The following USP33 variants were observed in gnomAD, a reference collection of about 807,000 sequenced individuals.
USP33 encodes the protein ubiquitin carboxyl-terminal hydrolase 33.
Under a neutral mutation model 124.2 loss-of-function variants are expected in USP33, and 46 were observed. That is an observed-to-expected ratio of 0.37 (90% CI 0.29 to 0.47). The LOEUF (loss-of-function observed/expected upper bound fraction) is 0.47. Ranked by LOEUF, USP33 falls within the 20% of genes least tolerant of loss-of-function variation. The probability of loss-of-function intolerance (pLI) is 0.99; values close to 1 mark genes in which losing one functional copy is unlikely to be tolerated. For missense variants in USP33, 851 were observed against 1,070.6 expected (o/e 0.79, Z 2.86); for synonymous variants, 350 against 352.3 (o/e 0.99, Z 0.07).
intron 7 of USP33, 43 bp downstream of exon 7, chr1:77,734,304 T>C (rs1557852793): frequency 6.9e-7 from 1 of 1,442,512 alleles, no homozygotes. Flanking sequence ...AAAAATAACT[T>C]AAAAAATTAT....
At chr1:77,735,122 C>CAA (rs11369231) in intron 6 of USP33, among the ~76,000 whole-genome samples, 43 of 144,718 alleles carry the variant, frequency 3.0e-4, no homozygotes, top group African/African-American at 6.8e-4. Flanking sequence ...GACTCCATCT[C>CAA]AAAAAAAAAA....
rs531931195 is a variant in USP33, at chr1:77,749,649, C to A, written c.-51-7901G>T. ...CACTCTCCTCAGCCTCCCAAAGTGC[C>A]GGAATTACAGGCATGAATCACTGCA... On this transcript the variant is annotated intron_variant, in intron 1 of 23. Coordinates refer to ENST00000370794, the MANE Select transcript of USP33 (RefSeq NM_201624.3). Among the ~76,000 whole-genome samples the A allele has an allele frequency of 7.9e-5, 12 of 152,170 alleles. No individual in the cohort carries two copies. In the East Asian group the frequency reaches 1.7e-3, roughly 22 times the overall value.
chr1:77,748,887 G>A (rs955612736), intron 1 of USP33, among the ~76,000 whole-genome samples: 1 of 146,264 alleles, frequency 6.8e-6, no homozygotes, highest in Admixed American at 7.4e-5. Context: ...TCATGGAAAA[G>A]AGAGTTCCTT....
intron 9 of USP33, 77 bp downstream of exon 9, chr1:77,729,780 TAAG>T (rs1677589829): frequency 7.3e-7 from 1 of 1,361,544 alleles, no homozygotes; most frequent in African/African-American, 1.4e-5. Flanking sequence ...CCCCAAAAGA[TAAG>T]TAGACCCAAA....
chr1:77,730,242 A>G (rs1182701682), intron 8 of USP33, among the ~76,000 whole-genome samples: 1 of 152,216 alleles, frequency 6.6e-6, no homozygotes, highest in African/African-American at 2.4e-5. Context: ...GCAAACTATG[A>G]TCCTAATGCT....
intron 21 of USP33, among the ~76,000 whole-genome samples, chr1:77,705,261 C>A (rs1271895004): frequency 6.6e-6 from 1 of 151,254 alleles, no homozygotes; most frequent in South Asian, 2.1e-4. Flanking sequence ...GTGGTGCGAT[C>A]TCGGCTCACT....
chr1:77,705,282 C>G (rs767257629), intron 21 of USP33, among the ~76,000 whole-genome samples: 4 of 151,458 alleles, frequency 2.6e-5, no homozygotes, highest in Non-Finnish European at 4.4e-5. Context: ...GCAATCTCCA[C>G]CTCCCCAATT....
intron 22 of USP33, among the ~76,000 whole-genome samples, chr1:77,698,733 C>A (rs1054883845): frequency 6.6e-6 from 1 of 151,904 alleles, no homozygotes; most frequent in Admixed American, 6.6e-5. Flanking sequence ...ATCTCCTGAC[C>A]TCGTGATCCA....
intron 16 of USP33, among the ~76,000 whole-genome samples, 157 bp downstream of exon 16, chr1:77,718,439 T>C (rs1459883982): frequency 1.5e-4 from 23 of 152,228 alleles, no homozygotes; most frequent in Non-Finnish European, 5.9e-5. Flanking sequence ...TTACGGTATT[T>C]AACTCAATAT....
intron 21 of USP33, among the ~76,000 whole-genome samples, chr1:77,710,724 T>G (rs1675152696): frequency 6.6e-6 from 1 of 152,178 alleles, no homozygotes; most frequent in Non-Finnish European, 1.5e-5. Context: ...CTGCTCAATA[T>G]CTTCTCCACT....
chr1:77,751,471 G>A (rs756667205), intron 1 of USP33, among the ~76,000 whole-genome samples: 5 of 151,972 alleles, frequency 3.3e-5, no homozygotes, highest in East Asian at 1.9e-4. Flanking sequence ...TGGGCAACAC[G>A]GCAATACCCT....
chr1:77,745,144 T>C lies in USP33; in HGVS notation c.-51-3396A>G, dbSNP rs530985008. ...CATATATATTTAGGATAGTTAGCTCTTCTTGTTGAATTGATCCCTTTACCA... is the reference window on the plus strand; with the variant it reads ...CATATATATTTAGGATAGTTAGCTCCTCTTGTTGAATTGATCCCTTTACCA... On this transcript the variant is annotated intron_variant, in intron 1 of 23. Coordinates refer to ENST00000370794, the MANE Select transcript of USP33 (RefSeq NM_201624.3). Among the ~76,000 whole-genome samples the C allele has an allele frequency of 2.6e-5, 4 of 152,376 alleles. No homozygotes were observed. In the South Asian group the frequency reaches 8.3e-4, roughly 32 times the overall value.
At position 77,717,856 on chromosome 1, in the gene USP33, T is replaced by C. The variant is rs764516876; in HGVS notation, c.1918+11A>G. The C allele has an allele frequency of 2.8e-5, 45 of 1,605,352 alleles. No homozygotes were observed. In the South Asian group the frequency reaches 4.7e-4, roughly 17 times the overall value. On this transcript the variant is annotated intron_variant, in intron 17 of 23. Coordinates refer to ENST00000370794, the MANE Select transcript of USP33 (RefSeq NM_201624.3). The stretch of plus-strand genomic sequence containing the variant: ...TAAATCTAGGAACAACTGTTAAACC[T>C]ATATACTTACTACTTGCAGTTCCAT...
In USP33 at chr1:77,728,978, T is replaced by C. The variant is rs148159078; in HGVS notation, c.718-266A>G. Among the ~76,000 whole-genome samples, 816 of 152,222 alleles carry C rather than the reference T, an allele frequency of 5.4e-3. 10 individuals carry two copies. The highest frequency in any genetic ancestry group is 0.018 in the African/African-American group (758 of 41,538). On this transcript the variant is annotated intron_variant, in intron 9 of 23. Transcript: ENST00000370794. ...GTTGTGGCATGACCACAGCTCACTG[T>C]AGCCTCGATCCCCCAGGCTCAAGCA... is the stretch of plus-strand genomic sequence containing the variant.
intron 1 of USP33, among the ~76,000 whole-genome samples, chr1:77,742,154 A>G (rs1314581485): frequency 1.4e-5 from 2 of 147,326 alleles, no homozygotes; most frequent in South Asian, 2.1e-4. Context: ...CTAGGAGTTG[A>G]AAAAAAAAAA....
chr1:77,741,760 G>A lies in USP33; in HGVS notation c.-51-12C>T. On this transcript the variant is annotated splice_polypyrimidine_tract_variant and intron_variant, in intron 1 of 23. Coordinates refer to ENST00000370794, the MANE Select transcript of USP33 (RefSeq NM_201624.3). ...AAATGAGGTAACACCTATAAGAAAA[G>A]TAACACACACAAAAAAATTAATAAA... 3 of 1,530,150 alleles carry A rather than the reference G, an allele frequency of 2.0e-6. No individual in the cohort carries two copies. The highest frequency in any genetic ancestry group is 1.4e-5 in the African/African-American group (1 of 71,296). 94.8% of individuals were successfully genotyped at this position (1,530,150 alleles called of 1,614,324 possible). A position where few individuals can be genotyped will look rare whatever the true frequency, so the allele number is the denominator to read the frequency against.
Position 77,707,922 on chromosome 1 carries a change from C to G in USP33, c.2406+3825G>C, listed in dbSNP as rs150204102. Reference sequence around the variant, plus strand: ...TCATTCTTTAGATTACAGACCATAACAGGGAAAAGTGTGACTATACTCTCT... The same window carrying G: ...TCATTCTTTAGATTACAGACCATAAGAGGGAAAAGTGTGACTATACTCTCT... On this transcript the variant is annotated intron_variant, in intron 21 of 23. Coordinates refer to ENST00000370794, the MANE Select transcript of USP33 (RefSeq NM_201624.3). Among the ~76,000 whole-genome samples the G allele has an allele frequency of 7.2e-5, 11 of 152,140 alleles. No homozygotes were observed. In the East Asian group the frequency reaches 1.3e-3, roughly 19 times the overall value.
intron 19 of USP33, chr1:77,713,555 TTC>T (rs1675517295): frequency 2.6e-5 from 6 of 231,462 alleles, no homozygotes; most frequent in Non-Finnish European, 3.1e-5. Context: ...CAGCTAACTT[TTC>T]TTTTTTTTTT....
rs1676794841 is a variant in USP33 at position 77,723,372 on chromosome 1, C to T, written c.1348G>A (p.Gly450Arg). ...CACTGCACTGAACTAATGATTGTTC[C>T]ATCAAATATGTCTGAAATAACACTT... ...YRSVISDIFD[G>R]TIISSVQCLT... is the part of the protein sequence containing the mutation. Residue 450 changes from glycine (G) to arginine (R), a missense_variant, in exon 12 of 24, where the codon GGA becomes AGA. Gly to Arg is a moderately radical substitution (Grantham distance 125). This residue lies in a region of USP33 where 281 missense variants were observed against 425.0 expected (regional missense o/e 0.66). Coordinates refer to ENST00000370794, the MANE Select transcript of USP33 (RefSeq NM_201624.3). The T allele has an allele frequency of 6.2e-7, 1 of 1,612,952 alleles. No individual in the cohort carries two copies. Among genetic ancestry groups the T allele is most frequent in the African/African-American group, 1.3e-5 (1 of 74,844 alleles).
Sources: gnomAD v4.1 joint callset for allele counts (sites outside exome capture counted in the v4.1 genomes callset) on GRCh38, gnomAD v4.1.1 for gene constraint, gnomAD v4.1.1 regional missense constraint, MANE v1.5 for transcripts, NCBI Gene and HGNC (gene_info 2026-07-23, HGNC 2026-07-21) for gene names.